The following ESRRG variants were observed in gnomAD, a reference collection of about 807,000 sequenced individuals.
ESRRG encodes the protein estrogen related receptor gamma.
A neutral mutation model predicts 44.0 loss-of-function variants in ESRRG; 13 were observed. The ratio of observed to expected loss-of-function variants is 0.30; its 90% CI spans 0.19 to 0.47. ESRRG has a LOEUF of 0.47. ESRRG is among the 20% of genes least tolerant of loss of function. ESRRG has a pLI of 1.00. For synonymous variants in ESRRG, 215 were observed against 214.6 expected, an observed-to-expected ratio of 1.00 and a Z score of -0.02; for missense variants, 395 against 580.6, an observed-to-expected ratio of 0.68 and a Z score of 3.29.
chr1:216,701,056 TGAG>T (rs2151864711), intron 1 of ESRRG, among the ~76,000 whole-genome samples: 1 of 152,306 alleles, frequency 6.6e-6, no homozygotes, highest in East Asian at 1.9e-4. Context: ...AATTTGGCTT[TGAG>T]AAGTAAAATC....
chr1:216,835,447 G>A (rs932096162), intron 2 of ESRRG, among the ~76,000 whole-genome samples: 6 of 152,214 alleles, frequency 3.9e-5, no homozygotes, highest in Admixed American at 3.9e-4. Context: ...GGTTGACACT[G>A]ACACGGCTGC....
chr1:216,601,264 C>G (rs539858041), intron 3 of ESRRG, among the ~76,000 whole-genome samples: 3 of 152,016 alleles, frequency 2.0e-5, no homozygotes, highest in Admixed American at 6.5e-5. Context: ...CGCGCCCACC[C>G]CTGGGCCTCC....
At chr1:217,097,934 T>A (rs895422273) in intron 1 of ESRRG, among the ~76,000 whole-genome samples, 1 of 152,146 alleles carries the variant, frequency 6.6e-6, no homozygotes, top group Admixed American at 6.5e-5. Flanking sequence ...GGAAAGCTTT[T>A]TAAAATCCTA....
At chr1:216,976,002 G>A (rs2072803778) in intron 1 of ESRRG, among the ~76,000 whole-genome samples, 1 of 152,078 alleles carries the variant, frequency 6.6e-6, no homozygotes. Flanking sequence ...CCTTCTAAAT[G>A]TCCATGAGCT....
At chr1:216,888,471 T>C (rs1014156330) in intron 2 of ESRRG, among the ~76,000 whole-genome samples, 2 of 152,206 alleles carry the variant, frequency 1.3e-5, no homozygotes, top group African/African-American at 4.8e-5. Context: ...GGCTTTATAA[T>C]AACAAGCTTC....
chr1:216,629,941 G>C (rs2063835545), intron 3 of ESRRG, among the ~76,000 whole-genome samples: 1 of 152,034 alleles, frequency 6.6e-6, no homozygotes, highest in Admixed American at 6.5e-5. Context: ...TTCTTTGCTT[G>C]TAAAAATTTT....
intron 2 of ESRRG, among the ~76,000 whole-genome samples, chr1:216,763,084 G>C (rs2092883859): frequency 6.6e-6 from 1 of 152,138 alleles, no homozygotes; most frequent in Non-Finnish European, 1.5e-5. Flanking sequence ...GTGCAGGCAA[G>C]AAGGGGAGAC....
chr1:216,779,409 AAAAT>A (rs2093794629), intron 2 of ESRRG, among the ~76,000 whole-genome samples: 2 of 57,828 alleles, frequency 3.5e-5, no homozygotes, highest in African/African-American at 1.4e-4. Context: ...TAAATATTAT[AAAAT>A]AAATATTTAT....
intron 1 of ESRRG, among the ~76,000 whole-genome samples, chr1:217,110,058 T>C (rs1323939702): frequency 6.6e-6 from 1 of 152,176 alleles, no homozygotes; most frequent in Non-Finnish European, 1.5e-5. Flanking sequence ...AAAGTCCATG[T>C]GTCAGCCTTC....
At chr1:216,705,179 C>T (rs144384914) in intron 1 of ESRRG, among the ~76,000 whole-genome samples, 6 of 152,202 alleles carry the variant, frequency 3.9e-5, no homozygotes, top group African/African-American at 1.2e-4. Flanking sequence ...CACACAGTTA[C>T]ATAGAGATTT....
upstream of ESRRG, among the ~76,000 whole-genome samples, chr1:216,727,807 T>C (rs2087855739): frequency 6.6e-6 from 1 of 151,890 alleles, no homozygotes; most frequent in African/African-American, 2.4e-5. Flanking sequence ...TTATGGAGCC[T>C]ATATATAAAA....
chr1:216,641,659 A>T (rs1370820014), intron 3 of ESRRG, among the ~76,000 whole-genome samples: 1 of 152,244 alleles, frequency 6.6e-6, no homozygotes, highest in African/African-American at 2.4e-5. Context: ...TCCAATTTGG[A>T]TTTAAATAAG....
chr1:216,774,895 G>C (rs552820146), intron 2 of ESRRG, among the ~76,000 whole-genome samples: 6 of 149,374 alleles, frequency 4.0e-5, no homozygotes, highest in African/African-American at 1.5e-4. Flanking sequence ...TTGGACTCCC[G>C]GGCTTAAGCA....
chr1:217,086,753 T>G (rs2092103629), intron 1 of ESRRG, among the ~76,000 whole-genome samples: 1 of 152,224 alleles, frequency 6.6e-6, no homozygotes, highest in Admixed American at 6.5e-5. Context: ...TCCAACAATT[T>G]TGAAACAAAT....
At chr1:217,032,583 T>C (rs1380998930) in intron 1 of ESRRG, among the ~76,000 whole-genome samples, 1 of 152,140 alleles carries the variant, frequency 6.6e-6, no homozygotes, top group Non-Finnish European at 1.5e-5. Context: ...AAAGAAAAAA[T>C]TATACAAATG....
chr1:216,916,198 G>A (rs142464232), intron 2 of ESRRG, among the ~76,000 whole-genome samples: 10 of 152,288 alleles, frequency 6.6e-5, no homozygotes, highest in East Asian at 5.8e-4. Flanking sequence ...CACTTCAAAC[G>A]TGGACTTGCC....
chr1:217,021,049 T>C (rs200502156), intron 1 of ESRRG, among the ~76,000 whole-genome samples: 12 of 145,436 alleles, frequency 8.3e-5, no homozygotes, highest in African/African-American at 2.3e-4. Context: ...CTGCCATGCA[T>C]ACACACACAC....
chr1:216,531,184 T>C (rs1030475913), intron 5 of ESRRG, among the ~76,000 whole-genome samples: 1 of 152,114 alleles, frequency 6.6e-6, no homozygotes, highest in African/African-American at 2.4e-5. Flanking sequence ...AATTATAGCA[T>C]GCTGACCCTG....
intron 3 of ESRRG, among the ~76,000 whole-genome samples, chr1:216,585,967 G>A (rs1337265142): frequency 6.6e-6 from 1 of 152,126 alleles, no homozygotes. Flanking sequence ...GTGAACCCGG[G>A]AGGCGGAGCT....
Sources: gnomAD v4.1 joint callset for allele counts (sites outside exome capture counted in the v4.1 genomes callset) on GRCh38, gnomAD v4.1.1 for gene constraint, MANE v1.5 for transcripts, NCBI Gene and HGNC (gene_info 2026-07-23, HGNC 2026-07-21) for gene names.